AXDND1: variants seen among roughly 807,000 people sequenced by gnomAD.
AXDND1 encodes axonemal dynein light chain domain-containing protein 1.
AXDND1 carries 110 observed loss-of-function variants against 137.5 expected under a neutral mutation model. The observed-to-expected ratio is 0.80, with a 90% confidence interval of 0.69 to 0.94. The LOEUF (loss-of-function observed/expected upper bound fraction) is 0.94. Ranked by LOEUF, AXDND1 falls within the 40% of genes least tolerant of loss-of-function variation. AXDND1 has a pLI of 0.00. For missense variants in AXDND1, 1,191 were observed against 1,169.8 expected (o/e 1.02, Z -0.26); for synonymous variants, 414 against 399.7 (o/e 1.04, Z -0.43).
At chr1:179,408,183 T>A (rs571187392) in intron 11 of AXDND1, among the ~76,000 whole-genome samples, 1 of 152,310 alleles carries the variant, frequency 6.6e-6, no homozygotes, top group Non-Finnish European at 1.5e-5. Context: ...CTGATTTATT[T>A]GTGTTCTTTA....
intron 19 of AXDND1, 50 bp from the exon 20 acceptor site, chr1:179,492,805 T>G (rs773745659): frequency 1.6e-6 from 2 of 1,253,080 alleles, no homozygotes; most frequent in East Asian, 2.4e-5. Flanking sequence ...TAGGTTATGC[T>G]GAGTGTGTAT....
chr1:179,441,402 C>T (rs750315144), intron 15 of AXDND1, among the ~76,000 whole-genome samples: 4 of 152,222 alleles, frequency 2.6e-5, no homozygotes, highest in Non-Finnish European at 1.5e-5. Context: ...TTAGCCATTG[C>T]TTGTGCTAAC....
intron 25 of AXDND1, among the ~76,000 whole-genome samples, chr1:179,536,557 T>C (rs186754499): frequency 1.3e-4 from 20 of 152,340 alleles, no homozygotes; most frequent in African/African-American, 4.8e-4. Context: ...CTCTGTTCTG[T>C]TCCGTTGGTC....
chr1:179,502,876 A>AC (rs1558277385), intron 20 of AXDND1, among the ~76,000 whole-genome samples: 1 of 152,006 alleles, frequency 6.6e-6, no homozygotes, highest in Non-Finnish European at 1.5e-5. Flanking sequence ...CGGGTGGATC[A>AC]CCTGAGGTTG....
At chr1:179,527,545 G>C (rs16854229) in intron 22 of AXDND1, among the ~76,000 whole-genome samples, 2 of 151,994 alleles carry the variant, frequency 1.3e-5, no homozygotes, top group Non-Finnish European at 1.5e-5. Context: ...AGTTACACTA[G>C]AGAATAATAA....
At chr1:179,437,143 T>A (rs550472220) in intron 15 of AXDND1, among the ~76,000 whole-genome samples, 1 of 146,844 alleles carries the variant, frequency 6.8e-6, no homozygotes, top group African/African-American at 2.5e-5. Context: ...CGCACAGACC[T>A]AGGGGGACTG....
rs200952497 is a variant in AXDND1 at position 179,409,482 on chromosome 1, A to AT, written c.1110-1657dup. On this transcript the variant is annotated intron_variant, in intron 11 of 25. Coordinates refer to ENST00000367618, the MANE Select transcript of AXDND1 (RefSeq NM_144696.6). ...TGCCAAATTAGCTAGAACTTTATGT[A>AT]TTTTTTTAATAGAAATGAGATCAAA... Among the ~76,000 whole-genome samples the AT allele has an allele frequency of 9.5e-3, 1,449 of 152,152 alleles. 32 individuals carry two copies. Among genetic ancestry groups the AT allele is most frequent in the African/African-American group, 0.032 (1,338 of 41,512 alleles).
intron 17 of AXDND1, among the ~76,000 whole-genome samples, chr1:179,469,523 A>G (rs974225982): frequency 6.6e-6 from 1 of 152,100 alleles, no homozygotes; most frequent in African/African-American, 2.4e-5. Flanking sequence ...CTCTTTGGGT[A>G]TATATCACCT....
At chr1:179,516,669 C>T (rs1347569189) in intron 21 of AXDND1, among the ~76,000 whole-genome samples, 1 of 152,150 alleles carries the variant, frequency 6.6e-6, no homozygotes, top group East Asian at 1.9e-4. Context: ...GTACTCTCCC[C>T]CTTTTCCTAT....
intron 12 of AXDND1, among the ~76,000 whole-genome samples, chr1:179,422,040 C>G (rs1036828035): frequency 1.4e-5 from 1 of 72,548 alleles, no homozygotes; most frequent in African/African-American, 5.0e-5. Context: ...AACTCCATCT[C>G]AAAAGAAAAA....
At chr1:179,452,852 T>C (rs1391728385) in intron 16 of AXDND1, 1 of 150,914 alleles carries the variant, frequency 6.6e-6, no homozygotes, top group Non-Finnish European at 1.5e-5. Flanking sequence ...TAGGTCTTCA[T>C]GGCAGCCCCT....
chr1:179,398,288 G>T (rs756845955), intron 11 of AXDND1, among the ~76,000 whole-genome samples: 2 of 152,176 alleles, frequency 1.3e-5, no homozygotes, highest in Non-Finnish European at 2.9e-5. Flanking sequence ...CCTGGACCGT[G>T]TACTCCAACT....
chr1:179,440,429 G>T (rs555604690), intron 15 of AXDND1, among the ~76,000 whole-genome samples: 2 of 152,328 alleles, frequency 1.3e-5, no homozygotes, highest in Non-Finnish European at 1.5e-5. Context: ...CTTAGCAAAG[G>T]TTGCTATGTG....
Position 179,378,694 on chromosome 1 carries a change from A to G in AXDND1, c.432A>G (p.Ala144=), listed in dbSNP as rs377083311. The G allele has an allele frequency of 6.2e-7, 1 of 1,600,206 alleles. No homozygotes were observed. The highest frequency in any genetic ancestry group is 8.5e-7 in the Non-Finnish European group (1 of 1,171,830). ...CCAAAGGACAGACTAGGGAGAAGGCAGTTTGTCCCCCACATTTGGCCCGTT... is the reference window on the plus strand; with the variant it reads ...CCAAAGGACAGACTAGGGAGAAGGCGGTTTGTCCCCCACATTTGGCCCGTT... ...TYAKGQTREK[A]VCPPHLARSL... Residue 144 remains alanine, a synonymous_variant, in exon 5 of 26, where the codon GCA becomes GCG. Coordinates refer to ENST00000367618, the MANE Select transcript of AXDND1 (RefSeq NM_144696.6).
intron 16 of AXDND1, chr1:179,457,456 A>C (rs1661579483): frequency 4.2e-6 from 1 of 236,760 alleles, no homozygotes; most frequent in Admixed American, 4.6e-5. Flanking sequence ...TAGAAGATGT[A>C]GTATTTACTT....
At chr1:179,426,100 G>T (rs541468725) in intron 12 of AXDND1, among the ~76,000 whole-genome samples, 1 of 152,242 alleles carries the variant, frequency 6.6e-6, no homozygotes, top group East Asian at 1.9e-4. Context: ...CTCCCAAAGT[G>T]CTGGGATTAT....
intron 16 of AXDND1, chr1:179,452,011 G>T (rs1165425759): frequency 1.3e-5 from 2 of 152,846 alleles, no homozygotes; most frequent in Non-Finnish European, 2.9e-5. Flanking sequence ...AAATGGTTTG[G>T]AGGGCTTAGA....
At chr1:179,547,757 G>C (rs1318445316) in intron 25 of AXDND1, among the ~76,000 whole-genome samples, 1 of 152,096 alleles carries the variant, frequency 6.6e-6, no homozygotes, top group East Asian at 1.9e-4. Flanking sequence ...TCCATGATCT[G>C]TCTTGCCAAG....
chr1:179,430,735 T>C, intron 14 of AXDND1, 129 bp downstream of exon 14: 1 of 957,252 alleles, frequency 1.0e-6, no homozygotes, highest in Non-Finnish European at 1.6e-6. Flanking sequence ...GCAGTCCCTA[T>C]GAAGGCACAA....
Sources: gnomAD v4.1 joint callset for allele counts (sites outside exome capture counted in the v4.1 genomes callset) on GRCh38, gnomAD v4.1.1 for gene constraint, MANE v1.5 for transcripts, NCBI Gene and HGNC (gene_info 2026-07-23, HGNC 2026-07-21) for gene names.